ABCB10: variants seen among roughly 807,000 people sequenced by gnomAD.
The protein encoded by ABCB10 is ATP binding cassette subfamily B member 10, also known as ATP-binding cassette sub-family B member 10, mitochondrial.
A neutral mutation model predicts 65.4 loss-of-function variants in ABCB10; 54 were observed. That is an observed-to-expected ratio of 0.83 (90% CI 0.66 to 1.04). The LOEUF (loss-of-function observed/expected upper bound fraction) is 1.04, where lower values mean the gene tolerates loss of function less well. Ranked by LOEUF, ABCB10 falls within the 50% of genes least tolerant of loss-of-function variation. The pLI is 0.00. For synonymous variants in ABCB10, 418 were observed against 406.5 expected, an observed-to-expected ratio of 1.03 and a Z score of -0.34; for missense variants, 846 against 976.6, an observed-to-expected ratio of 0.87 and a Z score of 1.78.
intron 3 of ABCB10, among the ~76,000 whole-genome samples, chr1:229,543,539 A>G (rs149424776): frequency 8.5e-5 from 13 of 152,344 alleles, no homozygotes; most frequent in African/African-American, 2.9e-4. Context: ...TCATTTACTC[A>G]TTCAACAAGT....
intron 9 of ABCB10, among the ~76,000 whole-genome samples, chr1:229,526,964 C>T (rs1006497692): frequency 2.6e-5 from 4 of 151,960 alleles, no homozygotes; most frequent in African/African-American, 9.7e-5. Context: ...CTATCATTTC[C>T]TCCCCATCCT....
rs1370648698 is a variant in ABCB10 at position 229,518,364 on chromosome 1, G to A, written c.2032C>T (p.Arg678Ter). The change falls in exon 13 of 13, where the codon CGA becomes TGA. Residue 678 changes from arginine (R) to a stop codon, truncating the protein, a stop_gained. Transcript: ENST00000344517. LOFTEE classifies it low-confidence loss of function (END_TRUNC). ...AACACCGTTCTTCCATCCATCAGTCGATCTAGAGCTTCTTGAACAAGGTAC... is the reference window on the plus strand; with the variant it reads ...AACACCGTTCTTCCATCCATCAGTCAATCTAGAGCTTCTTGAACAAGGTAC... Reference protein sequence around the residue: ...NEYLVQEALDRLMDGRTVLVI... With the variant: ...NEYLVQEALD 21 of 1,614,030 alleles carry A rather than the reference G, an allele frequency of 1.3e-5. No homozygotes were observed. The highest frequency in any genetic ancestry group is 1.7e-5 in the Admixed American group (1 of 60,002).
chr1:229,525,026 T>A (rs572040249), intron 10 of ABCB10, among the ~76,000 whole-genome samples: 1 of 152,242 alleles, frequency 6.6e-6, no homozygotes, highest in Admixed American at 6.5e-5. Flanking sequence ...GCTAACTTTT[T>A]GTATCTTTAG....
At chr1:229,550,740 T>C (rs1571978663) in intron 1 of ABCB10, among the ~76,000 whole-genome samples, 2 of 150,876 alleles carry the variant, frequency 1.3e-5, no homozygotes, top group South Asian at 2.1e-4. Flanking sequence ...GGTGCGCACC[T>C]GTAGTCCTAG....
At chr1:229,535,985 C>A (rs954126307) in intron 6 of ABCB10, among the ~76,000 whole-genome samples, 7 of 152,034 alleles carry the variant, frequency 4.6e-5, no homozygotes, top group African/African-American at 1.7e-4. Flanking sequence ...CTCAGCCTCG[C>A]AAAGTGCTGG....
rs1326189365 is a variant in ABCB10, at chr1:229,521,622, C to G, written c.1920G>C (p.Gln640His). ...KGVLLSGGQK[Q>H]RIAIARALLK... ...GCAGAGCACGGGCAATCGCAATCCG[C>G]TGTTTCTGCCCACCTGACAAAGACA... Residue 640 changes from glutamine (Q) to histidine (H), a missense_variant, in exon 11 of 13, where the codon CAG (glutamine) becomes CAC (histidine). This residue lies in a region of ABCB10 where 632 missense variants were observed against 803.2 expected (regional missense o/e 0.79). Coordinates refer to ENST00000344517, the MANE Select transcript of ABCB10 (RefSeq NM_012089.3). 1.2e-6 allele frequency: 2 copies of G among 1,613,090 alleles called. No individual in the cohort carries two copies. Among genetic ancestry groups the G allele is most frequent in the South Asian group, 2.2e-5 (2 of 90,936 alleles).
chr1:229,520,572 A>G (rs943555536), intron 11 of ABCB10, among the ~76,000 whole-genome samples: 7 of 152,100 alleles, frequency 4.6e-5, no homozygotes, highest in African/African-American at 1.7e-4. Context: ...CCAGCTTTGC[A>G]AATGAAAACA....
rs1403037035 is a variant in ABCB10 at position 229,517,323 on chromosome 1, C to T, written c.*856G>A. ...TCCAAAAGTATTATAAAATAAGATT[C>T]AATTTGTCTTGAAATTATAAATTTG... On this transcript the variant is annotated 3_prime_UTR_variant, in exon 13 of 13. Coordinates refer to ENST00000344517, the MANE Select transcript of ABCB10 (RefSeq NM_012089.3). 2.0e-5 allele frequency: 3 copies of T among 152,124 alleles called. No homozygotes were observed. The highest frequency in any genetic ancestry group is 2.0e-4 in the Admixed American group (3 of 15,266). The allele number at this position is 152,124 out of a possible 1,614,324, so 9.4% of individuals were successfully genotyped here.
At chr1:229,526,142 A>C in intron 9 of ABCB10, 26 bp from the exon 10 acceptor site, 1 of 1,594,868 alleles carries the variant, frequency 6.3e-7, no homozygotes, top group Non-Finnish European at 8.6e-7. Flanking sequence ...AAAACATATC[A>C]CGAATTTCAA....
chr1:229,519,018 C>T (rs1418190809), intron 11 of ABCB10, 143 bp from the exon 12 acceptor site: 3 of 607,204 alleles, frequency 4.9e-6, no homozygotes, highest in Non-Finnish European at 8.5e-6. Context: ...AGAAGCCAGA[C>T]ACAAAGAATC....
At position 229,527,254 on chromosome 1, in the gene ABCB10, C is replaced by A; in HGVS notation, c.1700G>T (p.Arg567Ile). ...DIRQLNPVWL[R>I]SKIGTVSQEP... ...CTGACTCACTGTCCCAATTTTGGATCTCAGCCACACTGGGTTTAGCTGACG... is the reference window on the plus strand; with the variant it reads ...CTGACTCACTGTCCCAATTTTGGATATCAGCCACACTGGGTTTAGCTGACG... The change falls in exon 9 of 13, where the codon AGA (arginine) becomes ATA (isoleucine). Residue 567 changes from arginine to isoleucine, a missense_variant. Around this residue, in one of 2 missense-constraint regions of ABCB10, gnomAD observed 632 missense variants for 803.2 expected, o/e 0.79. Coordinates refer to ENST00000344517, the MANE Select transcript of ABCB10 (RefSeq NM_012089.3). 6.2e-7 allele frequency: 1 copy of A among 1,613,644 alleles called. No individual in the cohort carries two copies. Among genetic ancestry groups the A allele is most frequent in the Non-Finnish European group, 8.5e-7 (1 of 1,179,768 alleles).
intron 8 of ABCB10, among the ~76,000 whole-genome samples, chr1:229,528,095 C>A (rs1662486675): frequency 6.6e-6 from 1 of 152,138 alleles, no homozygotes; most frequent in African/African-American, 2.4e-5. Context: ...ATAAGAAATG[C>A]CATTTCTTCT....
At chr1:229,531,804 G>A in intron 6 of ABCB10, 73 bp from the exon 7 acceptor site, 2 of 1,156,222 alleles carry the variant, frequency 1.7e-6, no homozygotes, top group Non-Finnish European at 1.3e-6. Flanking sequence ...CCTCTGAGAG[G>A]AGTGACAATG....
In ABCB10 at chr1:229,518,273, T is replaced by G; in HGVS notation, c.2123A>C (p.Lys708Thr). The G allele has an allele frequency of 6.2e-7, 1 of 1,614,220 alleles. No homozygotes were observed. The highest frequency in any genetic ancestry group is 8.5e-7 in the Non-Finnish European group (1 of 1,180,038). The change falls in exon 13 of 13, where the codon AAA (lysine) becomes ACA (threonine). Residue 708 changes from lysine (K) to threonine (T), a missense_variant. Physicochemically the swap from Lys to Thr is moderately conservative, Grantham distance 78. Coordinates refer to ENST00000344517, the MANE Select transcript of ABCB10 (RefSeq NM_012089.3). ...TTCATGTTTTCCATATTCAGTAATT[T>G]TTCCTTGGTCAAGAACAGCAACCAT... ...ANMVAVLDQGKITEYGKHEEL... is the reference protein window; with the variant it reads ...ANMVAVLDQGTITEYGKHEEL...
chr1:229,539,341 G>A, intron 6 of ABCB10, 115 bp downstream of exon 6: 6 of 1,445,992 alleles, frequency 4.1e-6, no homozygotes, highest in Non-Finnish European at 5.8e-6. Context: ...TAACATTCTA[G>A]GAAATGCTTT....
chr1:229,558,348 CA>C lies in ABCB10; in HGVS notation c.304del (p.Cys102AlafsTer110). 3 of 1,258,604 alleles carry C rather than the reference CA, an allele frequency of 2.4e-6. No homozygotes were observed. The highest frequency in any genetic ancestry group is 3.0e-6 in the Non-Finnish European group (3 of 990,886). 78.0% of individuals were successfully genotyped at this position (1,258,604 alleles called of 1,614,324 possible). On this transcript the variant is annotated frameshift_variant, in exon 1 of 13. Transcript: ENST00000344517. LOFTEE classifies it high-confidence loss of function. ...LWARGPGSCR[C>X]GAFAGPGAPR... ...AGCGCCTGGCCCGGCAAAAGCCCCG[CA>C]CCTGCAGCTGCCGGGGCCGCGAGCC...
chr1:229,530,477 C>T, intron 7 of ABCB10, 69 bp from the exon 8 acceptor site: 3 of 1,535,132 alleles, frequency 2.0e-6, no homozygotes, highest in Non-Finnish European at 2.7e-6. Context: ...ACTCGGTTCT[C>T]CTACTCATCT....
At chr1:229,547,435 G>A (rs76667068) in intron 3 of ABCB10, 64 bp downstream of exon 3, 122 of 1,578,340 alleles carry the variant, frequency 7.7e-5, no homozygotes, top group African/African-American at 5.7e-4. Context: ...CGTCTCACAC[G>A]TGAGAGGCCT....
intron 3 of ABCB10, among the ~76,000 whole-genome samples, chr1:229,544,341 C>T (rs1193258490): frequency 1.4e-5 from 2 of 142,862 alleles, no homozygotes; most frequent in Non-Finnish European, 3.0e-5. Flanking sequence ...CACTCGAGCT[C>T]GGGAGGCAGA....
Sources: allele counts gnomAD v4.1 joint callset (sites outside exome capture counted in the v4.1 genomes callset), GRCh38; gene constraint gnomAD v4.1.1; regional missense constraint gnomAD v4.1.1; transcripts MANE v1.5; gene names NCBI Gene and HGNC (gene_info 2026-07-23, HGNC 2026-07-21).